PCDHA2: variants seen among roughly 807,000 people sequenced by gnomAD.
PCDHA2 encodes protocadherin alpha 2, also known as protocadherin alpha-2.
A neutral mutation model predicts 66.0 loss-of-function variants in PCDHA2; 58 were observed. The ratio of observed to expected loss-of-function variants is 0.88; its 90% CI spans 0.71 to 1.09. PCDHA2 has a LOEUF of 1.09. PCDHA2 is among the 50% of genes least tolerant of loss of function. The pLI is 0.00. For missense variants in PCDHA2, 1,267 were observed against 1,242.3 expected (o/e 1.02, Z -0.30); for synonymous variants, 634 against 554.0 (o/e 1.14, Z -2.03).
Position 140,978,953 on chromosome 5 carries a change from G to A in PCDHA2, c.2393G>A (p.Arg798Gln), listed in dbSNP as rs781913955. The A allele has an allele frequency of 1.4e-5, 23 of 1,613,930 alleles. No homozygotes were observed. In the South Asian group the frequency reaches 2.0e-4, roughly 14 times the overall value. Residue 798 changes from arginine to glutamine, a missense_variant, in exon 2 of 4, where the codon CGA becomes CAA. Arg to Gln is a conservative substitution (Grantham distance 43, BLOSUM62 1). Transcript: ENST00000526136. ...LSESEYVGKP[R>Q]QPNPDWRYSA... ...ACTCTCTTTGTGATTTTGCAGCCAC[G>A]ACAGCCCAACCCTGACTGGCGTTAC...
Position 140,796,329 on chromosome 5 carries a change from C to T in PCDHA2, c.1365C>T (p.Phe455=), listed in dbSNP as rs372842569. 6.2e-7 allele frequency: 1 copy of T among 1,608,296 alleles called. No homozygotes were observed. Among genetic ancestry groups the T allele is most frequent in the Non-Finnish European group, 8.5e-7 (1 of 1,178,406 alleles). The part of the protein sequence containing the change: ...VADVNDNAPA[F]AQPEYTVFVK... ...ACGTGAACGACAACGCGCCGGCGTT[C>T]GCACAGCCTGAGTACACAGTATTCG... The change falls in exon 1 of 4, where the codon TTC becomes TTT. Residue 455 remains phenylalanine, a synonymous_variant. Transcript: ENST00000526136.
At chr5:140,899,405 T>G (rs1369333627) in intron 1 of PCDHA2, among the ~76,000 whole-genome samples, 3 of 152,204 alleles carry the variant, frequency 2.0e-5, no homozygotes, top group Non-Finnish European at 4.4e-5. Flanking sequence ...CATGAAGGGT[T>G]GTTGAATTTT....
chr5:140,879,894 T>C (rs2153369518), intron 1 of PCDHA2, among the ~76,000 whole-genome samples: 1 of 152,348 alleles, frequency 6.6e-6, no homozygotes. Context: ...CTCCTCTCCA[T>C]GTCTCTCTCT....
At position 140,914,532 on chromosome 5, in the gene PCDHA2, A is replaced by G. The variant is rs1440968686; in HGVS notation, c.2389-64417A>G. ...GTCATGTTTTTTCATCCATTCAGCC[A>G]CTTTATTTCTTTTTATTGGAGAGTT... On this transcript the variant is annotated intron_variant, in intron 1 of 3. Coordinates refer to ENST00000526136, the MANE Select transcript of PCDHA2 (RefSeq NM_018905.3). Among the ~76,000 whole-genome samples the G allele has an allele frequency of 3.3e-5, 5 of 152,070 alleles. 1 individual carries two copies. Among genetic ancestry groups the G allele is most frequent in the Admixed American group, 3.3e-4 (5 of 15,252 alleles).
chr5:140,968,818 T>A, intron 1 of PCDHA2: 1 of 1,614,188 alleles, frequency 6.2e-7, no homozygotes, highest in South Asian at 1.1e-5. Context: ...TGGATAGGGT[T>A]TCCAAAATCC....
intron 1 of PCDHA2, among the ~76,000 whole-genome samples, chr5:140,875,095 G>A (rs2055270565): frequency 6.6e-6 from 1 of 152,156 alleles, no homozygotes; most frequent in Non-Finnish European, 1.5e-5. Context: ...AATTGTTGAT[G>A]TTTTGTTACT....
chr5:140,797,140 C>T lies in PCDHA2; in HGVS notation c.2176C>T (p.Pro726Ser). Residue 726 changes from proline (P) to serine (S), a missense_variant, in exon 1 of 4, where the codon CCA (proline) becomes TCA (serine). Physicochemically the swap from Pro to Ser is moderately conservative, Grantham distance 74. Coordinates refer to ENST00000526136, the MANE Select transcript of PCDHA2 (RefSeq NM_018905.3). Reference protein sequence around the residue: ...LLYTALRCSVPPTEGARAPGK... With the variant: ...LLYTALRCSVSPTEGARAPGK... The stretch of plus-strand genomic sequence containing the variant: ...GTACACTGCGCTGCGGTGCTCGGTG[C>T]CACCCACCGAGGGTGCGCGCGCGCC... The T allele has an allele frequency of 6.2e-7, 1 of 1,613,990 alleles. No individual in the cohort carries two copies. The highest frequency in any genetic ancestry group is 8.5e-7 in the Non-Finnish European group (1 of 1,179,962).
intron 3 of PCDHA2, among the ~76,000 whole-genome samples, chr5:140,990,715 A>G (rs927680875): frequency 1.3e-5 from 2 of 152,194 alleles, no homozygotes; most frequent in Non-Finnish European, 2.9e-5. Context: ...GGATAAGAGC[A>G]TCACTAGGTA....
chr5:140,858,255 C>A, intron 1 of PCDHA2: 1 of 1,596,962 alleles, frequency 6.3e-7, no homozygotes, highest in Non-Finnish European at 8.6e-7. Context: ...GTGAAGCCCA[C>A]GCTGGTGTGC....
intron 1 of PCDHA2, chr5:140,862,242 A>C (rs1297106167): frequency 4.7e-6 from 1 of 212,242 alleles, no homozygotes; most frequent in Non-Finnish European, 9.5e-6. Flanking sequence ...CATCAATGAT[A>C]GTGTTCCAGA....
chr5:140,828,024 C>T (rs1769491669), intron 1 of PCDHA2: 2 of 1,516,724 alleles, frequency 1.3e-6, no homozygotes, highest in African/African-American at 1.4e-5. Flanking sequence ...TAATAAATTC[C>T]GGAACATACA....
intron 1 of PCDHA2, chr5:140,870,813 C>T (rs568167153): frequency 1.2e-6 from 2 of 1,613,702 alleles, no homozygotes; most frequent in South Asian, 1.1e-5. Flanking sequence ...CTCAGGCTGG[C>T]AGCGCGGGAG....
intron 3 of PCDHA2, among the ~76,000 whole-genome samples, chr5:140,985,770 C>T (rs1456292041): frequency 1.5e-5 from 2 of 132,222 alleles, no homozygotes; most frequent in African/African-American, 2.8e-5. Flanking sequence ...GAGACAGTCT[C>T]GCTCTGTCGC....
At chr5:140,931,962 A>G (rs1439185046) in intron 1 of PCDHA2, among the ~76,000 whole-genome samples, 1 of 151,924 alleles carries the variant, frequency 6.6e-6, no homozygotes, top group Non-Finnish European at 1.5e-5. Context: ...AATCATGTTG[A>G]TGCATATGTG....
intron 1 of PCDHA2, among the ~76,000 whole-genome samples, chr5:140,935,276 T>TA (rs1447867343): frequency 6.6e-6 from 1 of 152,226 alleles, no homozygotes; most frequent in African/African-American, 2.4e-5. Flanking sequence ...ACTAATCTAA[T>TA]AAAGTTCAGC....
intron 1 of PCDHA2, chr5:140,882,963 T>C (rs2059384915): frequency 3.7e-6 from 6 of 1,614,088 alleles, no homozygotes; most frequent in Admixed American, 1.7e-5. Context: ...CTCATCACGA[T>C]TCTGGACGTG....
chr5:140,872,165 C>CT (rs781807025), intron 1 of PCDHA2, among the ~76,000 whole-genome samples: 5,631 of 144,184 alleles, frequency 0.039, 139 homozygotes, highest in African/African-American at 0.065. Flanking sequence ...ATTTACTTTT[C>CT]TTTTTTTTTT....
At chr5:140,997,978 C>A (rs1205743045) in intron 3 of PCDHA2, among the ~76,000 whole-genome samples, 2 of 152,182 alleles carry the variant, frequency 1.3e-5, no homozygotes, top group Admixed American at 1.3e-4. Context: ...TTGGACTGCA[C>A]TTGTTACATA....
At chr5:140,967,498 T>A (rs1554229623) in intron 1 of PCDHA2, 3 of 1,613,108 alleles carry the variant, frequency 1.9e-6, no homozygotes, top group Non-Finnish European at 2.5e-6. Flanking sequence ...CACAGATCTC[T>A]GTGCGTGTCC....
Sources: gnomAD v4.1 joint callset for allele counts (sites outside exome capture counted in the v4.1 genomes callset) on GRCh38, gnomAD v4.1.1 for gene constraint, MANE v1.5 for transcripts, NCBI Gene and HGNC (gene_info 2026-07-23, HGNC 2026-07-21) for gene names.